Variants in RAP1GDS1 observed in about 807,000 individuals in gnomAD.
RAP1GDS1 encodes RAP1, GTP-GDP dissociation stimulator 1.
A neutral mutation model predicts 71.1 loss-of-function variants in RAP1GDS1; 35 were observed. The ratio of observed to expected loss-of-function variants is 0.49; its 90% CI spans 0.38 to 0.65. RAP1GDS1 has a LOEUF of 0.65. Among genes scored for constraint, RAP1GDS1 ranks in the 30% least tolerant of loss-of-function variants. RAP1GDS1 has a pLI of 0.00. For synonymous variants in RAP1GDS1, 229 were observed against 243.1 expected (o/e 0.94, Z 0.54); for missense variants, 663 against 706.1 (o/e 0.94, Z 0.69).
At chr4:98,338,357 G>A (rs1734994465) in intron 2 of RAP1GDS1, among the ~76,000 whole-genome samples, 1 of 152,136 alleles carries the variant, frequency 6.6e-6, no homozygotes, top group Admixed American at 6.5e-5. Context: ...CAAATGCTTT[G>A]TTTTCTGTTG....
At position 98,416,727 on chromosome 4, in the gene RAP1GDS1, G is replaced by A; in HGVS notation, c.764-18G>A. The A allele has an allele frequency of 6.4e-7, 1 of 1,572,868 alleles. No individual in the cohort carries two copies. Among genetic ancestry groups the A allele is most frequent in the Non-Finnish European group, 8.7e-7 (1 of 1,146,548 alleles). On this transcript the variant is annotated intron_variant, in intron 7 of 14. Transcript: ENST00000408927. ...TTTTATCTCAAAGTTTGATTATTTT[G>A]TTCACGTTGTTCTTTAGATGCTATT...
At chr4:98,426,278 A>G (rs1749599305) in intron 12 of RAP1GDS1, among the ~76,000 whole-genome samples, 1 of 152,170 alleles carries the variant, frequency 6.6e-6, no homozygotes, top group Admixed American at 6.5e-5. Context: ...AGTCTGAAAG[A>G]GCACAAAGAG....
At chr4:98,347,718 G>A (rs1736508370) in intron 3 of RAP1GDS1, among the ~76,000 whole-genome samples, 1 of 152,112 alleles carries the variant, frequency 6.6e-6, no homozygotes, top group African/African-American at 2.4e-5. Flanking sequence ...AGTTCTCCGA[G>A]TTCAAATTGC....
At chr4:98,380,688 T>G (rs1003591471) in intron 5 of RAP1GDS1, among the ~76,000 whole-genome samples, 1 of 151,852 alleles carries the variant, frequency 6.6e-6, no homozygotes, top group Admixed American at 6.6e-5. Flanking sequence ...CTGAATTGCA[T>G]TAAGAAATCA....
chr4:98,374,739 A>T (rs915692848), intron 4 of RAP1GDS1, among the ~76,000 whole-genome samples: 52 of 152,128 alleles, frequency 3.4e-4, no homozygotes, highest in African/African-American at 1.2e-3. Flanking sequence ...TTCCTTTAGT[A>T]GTCGGCCGTT....
chr4:98,352,686 T>A, intron 4 of RAP1GDS1, 85 bp downstream of exon 4: 5 of 1,460,082 alleles, frequency 3.4e-6, no homozygotes, highest in Non-Finnish European at 4.7e-6. Flanking sequence ...AGCAGTGACT[T>A]TTCTAGGCTA....
At chr4:98,365,375 G>A (rs902845199) in intron 4 of RAP1GDS1, among the ~76,000 whole-genome samples, 5 of 152,130 alleles carry the variant, frequency 3.3e-5, no homozygotes, top group African/African-American at 1.2e-4. Flanking sequence ...AGCACTTTGG[G>A]AGGCTGAGGT....
intron 13 of RAP1GDS1, among the ~76,000 whole-genome samples, 156 bp from the exon 14 acceptor site, chr4:98,436,784 T>G (rs756877498): frequency 1.3e-5 from 2 of 152,236 alleles, no homozygotes; most frequent in Non-Finnish European, 1.5e-5. Context: ...TTTACTCTTT[T>G]CACATGGTCT....
intron 6 of RAP1GDS1, among the ~76,000 whole-genome samples, chr4:98,393,780 A>G (rs544390916): frequency 6.6e-6 from 1 of 152,350 alleles, no homozygotes; most frequent in South Asian, 2.1e-4. Context: ...AACACTATAT[A>G]TGAAAAATAT....
intron 12 of RAP1GDS1, among the ~76,000 whole-genome samples, chr4:98,425,921 A>G (rs559774381): frequency 6.6e-6 from 1 of 152,200 alleles, no homozygotes; most frequent in Non-Finnish European, 1.5e-5. Context: ...CAAAATATAC[A>G]TTCTATTCAT....
intron 12 of RAP1GDS1, among the ~76,000 whole-genome samples, chr4:98,426,955 A>G (rs1749706144): frequency 6.6e-6 from 1 of 152,208 alleles, no homozygotes; most frequent in Admixed American, 6.5e-5. Context: ...ATGAACATAG[A>G]TACAAAAATC....
intron 5 of RAP1GDS1, among the ~76,000 whole-genome samples, chr4:98,384,271 GTTAAA>G (rs924511802): frequency 1.6e-4 from 25 of 151,718 alleles, no homozygotes; most frequent in African/African-American, 6.0e-4. Flanking sequence ...ACTCCAGTGA[GTTAAA>G]TGAAGTGTGT....
At chr4:98,402,045 G>A (rs564411439) in intron 6 of RAP1GDS1, among the ~76,000 whole-genome samples, 1 of 152,150 alleles carries the variant, frequency 6.6e-6, no homozygotes, top group South Asian at 2.1e-4. Context: ...CAAAGTTCCA[G>A]GGATAAATCA....
At chr4:98,325,054 T>C (rs1732742388) in intron 2 of RAP1GDS1, among the ~76,000 whole-genome samples, 1 of 150,702 alleles carries the variant, frequency 6.6e-6, no homozygotes, top group South Asian at 2.1e-4. Context: ...GAATCTACAA[T>C]GAACTCAAAC....
chr4:98,331,327 G>A (rs146001103), intron 2 of RAP1GDS1, among the ~76,000 whole-genome samples: 204 of 149,812 alleles, frequency 1.4e-3, no homozygotes, highest in African/African-American at 4.7e-3. Flanking sequence ...CGTGGAAAGC[G>A]GGAGACAGAG....
chr4:98,297,879 T>C (rs939243070), intron 2 of RAP1GDS1, among the ~76,000 whole-genome samples: 4 of 152,176 alleles, frequency 2.6e-5, no homozygotes, highest in African/African-American at 7.2e-5. Flanking sequence ...AAAGCAAAGA[T>C]AGGCCAAAAG....
rs144636180 is a variant in RAP1GDS1, at chr4:98,367,509, G to A, written c.362-11508G>A. 5.3e-5 allele frequency among the ~76,000 whole-genome samples: 8 copies of A among 152,284 alleles called. No homozygotes were observed. In the East Asian group the frequency reaches 7.8e-4, roughly 15 times the overall value. ...GCCACCATCCTCCAGACCCCAGGACGGTAGATCCATCAACAGCTTGCACCA... is the reference window on the plus strand; with the variant it reads ...GCCACCATCCTCCAGACCCCAGGACAGTAGATCCATCAACAGCTTGCACCA... On this transcript the variant is annotated intron_variant, in intron 4 of 14. Coordinates refer to ENST00000408927, the MANE Select transcript of RAP1GDS1 (RefSeq NM_001100427.2).
At chr4:98,283,577 G>T (rs1422555630) in intron 1 of RAP1GDS1, among the ~76,000 whole-genome samples, 2 of 152,078 alleles carry the variant, frequency 1.3e-5, no homozygotes. Context: ...AATTTAGATT[G>T]TCAAGAGAAA....
intron 2 of RAP1GDS1, among the ~76,000 whole-genome samples, chr4:98,341,370 G>C (rs930578127): frequency 6.6e-6 from 1 of 152,196 alleles, no homozygotes; most frequent in African/African-American, 2.4e-5. Flanking sequence ...AGTGTCATTG[G>C]AGTGCAAGAG....
Sources: gnomAD v4.1 joint callset for allele counts (sites outside exome capture counted in the v4.1 genomes callset) on GRCh38, gnomAD v4.1.1 for gene constraint, MANE v1.5 for transcripts, NCBI Gene and HGNC (gene_info 2026-07-23, HGNC 2026-07-21) for gene names.